The following NUP98 variants were observed in gnomAD, a reference collection of about 807,000 sequenced individuals.
NUP98 encodes the protein nuclear pore complex protein Nup98-Nup96.
A neutral mutation model predicts 191.9 loss-of-function variants in NUP98; 26 were observed. The ratio of observed to expected loss-of-function variants is 0.14; its 90% CI spans 0.10 to 0.19. NUP98 has a LOEUF of 0.19. NUP98 is among the 10% of genes least tolerant of loss of function. The pLI, the probability that NUP98 is intolerant of heterozygous loss-of-function variation, is 1.00. For missense variants in NUP98, 1,941 were observed against 2,178.8 expected, an observed-to-expected ratio of 0.89 and a Z score of 2.17; for synonymous variants, 808 against 778.4, an observed-to-expected ratio of 1.04 and a Z score of -0.63.
chr11:3,759,738 T>C (rs1352513428), intron 10 of NUP98, among the ~76,000 whole-genome samples: 2 of 152,208 alleles, frequency 1.3e-5, no homozygotes, highest in Non-Finnish European at 2.9e-5. Flanking sequence ...TGAATATACA[T>C]ACTATGAACA....
At chr11:3,762,279 GTT>G (rs750354577) in intron 9 of NUP98, among the ~76,000 whole-genome samples, 2 of 142,088 alleles carry the variant, frequency 1.4e-5, no homozygotes, top group Non-Finnish European at 1.5e-5. Context: ...CCAGCTAGTG[GTT>G]TTTTTTTTTT....
chr11:3,752,581 G>A (rs1465869680), intron 11 of NUP98, among the ~76,000 whole-genome samples: 1 of 151,586 alleles, frequency 6.6e-6, no homozygotes, highest in Non-Finnish European at 1.5e-5. Flanking sequence ...ATGCTCAGAT[G>A]ATAGAAGGGG....
In NUP98 at chr11:3,702,313, ACT is replaced by A. The variant is rs71041375; in HGVS notation, c.3512+148_3512+149del. 4.9e-3 allele frequency: 1,688 copies of A among 347,632 alleles called. 4 individuals carry two copies. Among genetic ancestry groups the A allele is most frequent in the African/African-American group, 0.021 (447 of 21,580 alleles). The allele number at this position is 347,632 out of a possible 1,614,324, so 21.5% of individuals were successfully genotyped here. ...CACACACACACACACACACACACAC[ACT>A]CTCTCTCTCTCTCTCTCTCTCTCTC... On this transcript the variant is annotated intron_variant, in intron 23 of 32. Coordinates refer to ENST00000324932, the MANE Select transcript of NUP98 (RefSeq NM_016320.5).
intron 20 of NUP98, among the ~76,000 whole-genome samples, chr11:3,709,988 A>C (rs533597336): frequency 0.01 from 1,491 of 148,504 alleles, 26 homozygotes; most frequent in African/African-American, 0.032. Context: ...ATTTAAAAAA[A>C]AAAAGTTTAC....
intron 24 of NUP98, among the ~76,000 whole-genome samples, chr11:3,699,822 G>C (rs1156855643): frequency 6.6e-6 from 1 of 152,150 alleles, no homozygotes; most frequent in African/African-American, 2.4e-5. Flanking sequence ...GTGTGGCATA[G>C]GACATTCTAA....
chr11:3,703,091 T>A (rs1319747464), intron 22 of NUP98, among the ~76,000 whole-genome samples, 199 bp from the exon 23 acceptor site: 1 of 152,158 alleles, frequency 6.6e-6, no homozygotes, highest in East Asian at 1.9e-4. Context: ...AGGACAAGAT[T>A]CTAATGATGA....
intron 8 of NUP98, among the ~76,000 whole-genome samples, chr11:3,766,773 C>T (rs2081354868): frequency 6.6e-6 from 1 of 151,028 alleles, no homozygotes; most frequent in Admixed American, 6.6e-5. Flanking sequence ...ATTCCGGGTT[C>T]CTTCTTATTC....
chr11:3,763,778 C>G (rs1019024273), intron 8 of NUP98, among the ~76,000 whole-genome samples: 1 of 152,096 alleles, frequency 6.6e-6, no homozygotes, highest in Non-Finnish European at 1.5e-5. Context: ...GAACTCCTGA[C>G]CTCAGGGGAT....
chr11:3,735,177 A>C lies in NUP98; in HGVS notation c.1542+14T>G. ...CTTTGATATGATATTTTACAGAAGT[A>C]TCCTTAAATTTACCTCTTCCTTCTT... On this transcript the variant is annotated intron_variant, in intron 13 of 32. Transcript: ENST00000324932. The C allele has an allele frequency of 6.4e-7, 1 of 1,571,144 alleles. No homozygotes were observed. The highest frequency in any genetic ancestry group is 1.2e-5 in the South Asian group (1 of 83,710).
At chr11:3,773,303 C>T (rs1450652285) in intron 6 of NUP98, among the ~76,000 whole-genome samples, 6 of 151,636 alleles carry the variant, frequency 4.0e-5, no homozygotes, top group Admixed American at 4.0e-4. Flanking sequence ...ACTTCGGAGG[C>T]TAAGGACATG....
At position 3,691,616 on chromosome 11, in the gene NUP98, C is replaced by T. The variant is rs2078313176; in HGVS notation, c.4312-127G>A. On this transcript the variant is annotated intron_variant, in intron 27 of 32. Coordinates refer to ENST00000324932, the MANE Select transcript of NUP98 (RefSeq NM_016320.5). Reference sequence around the variant, plus strand: ...TCACCCAGGCTGGAGTGCAGTGGGACAATCTCGGCTCACTGCAACCTCCGC... The same window carrying T: ...TCACCCAGGCTGGAGTGCAGTGGGATAATCTCGGCTCACTGCAACCTCCGC... 1.0e-5 allele frequency: 9 copies of T among 865,800 alleles called. No individual in the cohort carries two copies. The South Asian group carries it at 1.6e-4, about 15-fold the overall frequency. The allele number at this position is 865,800 out of a possible 1,614,324, so 53.6% of individuals were successfully genotyped here.
rs1275117676 is a variant in NUP98, at chr11:3,702,530, G to C, written c.3445C>G (p.Leu1149Val). ...GAATCGGCAATCTGATGATTTTCTA[G>C]TTCATGAGAGCCATTCAGCTGTTCT... ...SGEQLNGSHE[L>V]ENHQIADSME... Residue 1149 changes from leucine to valine, a missense_variant, in exon 23 of 33, where the codon CTA becomes GTA. Physicochemically the swap from Leu to Val is conservative, Grantham distance 32. Coordinates refer to ENST00000324932, the MANE Select transcript of NUP98 (RefSeq NM_016320.5). 1.2e-6 allele frequency: 2 copies of C among 1,613,946 alleles called. No homozygotes were observed. Among genetic ancestry groups the C allele is most frequent in the Admixed American group, 3.3e-5 (2 of 59,986 alleles).
At chr11:3,731,629 C>T (rs377121280) in intron 13 of NUP98, 51 bp from the exon 14 acceptor site, 32 of 1,267,486 alleles carry the variant, frequency 2.5e-5, no homozygotes, top group South Asian at 4.1e-5. Flanking sequence ...AAATGTACTG[C>T]ACTGGCCTTA....
rs1191694308 is a variant in NUP98, at chr11:3,693,263, C to T, written c.4280G>A (p.Arg1427Lys). 2 of 1,614,130 alleles carry T rather than the reference C, an allele frequency of 1.2e-6. No homozygotes were observed. Reference sequence around the variant, plus strand: ...TGCTTCTTCATACATGCTGAGCGCCCTAGAAATGGAGGCTGTTGGTGGAAG... The same window carrying T: ...TGCTTCTTCATACATGCTGAGCGCCTTAGAAATGGAGGCTGTTGGTGGAAG... ...YLLPPTASIS[R>K]ALSMYEEAFQ... is the part of the protein sequence containing the mutation. The change falls in exon 27 of 33, where the codon AGG (arginine) becomes AAG (lysine). Residue 1427 changes from arginine to lysine, a missense_variant. Physicochemically the swap from Arg to Lys is conservative, Grantham distance 26. This residue lies in a region of NUP98 where 1,030 missense variants were observed against 1,115.8 expected (regional missense o/e 0.92). Transcript: ENST00000324932.
chr11:3,697,041 A>G (rs1343117497), intron 25 of NUP98: 3 of 152,114 alleles, frequency 2.0e-5, no homozygotes, highest in Non-Finnish European at 2.9e-5. Context: ...CCTTTTTTTA[A>G]TGATTCATAA....
intron 2 of NUP98, among the ~76,000 whole-genome samples, chr11:3,779,725 G>A (rs1191376525): frequency 6.6e-6 from 1 of 152,020 alleles, no homozygotes; most frequent in African/African-American, 2.4e-5. Flanking sequence ...ATGAATTACA[G>A]AGTAAAAACC....
intron 5 of NUP98, among the ~76,000 whole-genome samples, chr11:3,774,959 A>G (rs371235417): frequency 2.6e-5 from 4 of 152,198 alleles, no homozygotes; most frequent in East Asian, 3.8e-4. Context: ...TATTTTAACA[A>G]GTTTTATTTC....
In NUP98 at chr11:3,676,636, G is replaced by T. The variant is rs2077821549; in HGVS notation, c.5074-16C>A. 2.5e-6 allele frequency: 4 copies of T among 1,591,228 alleles called. No homozygotes were observed. The highest frequency in any genetic ancestry group is 3.4e-6 in the Non-Finnish European group (4 of 1,159,530). ...AGCAATCCACCTACAAAGAAGCAGA[G>T]AAGCCAATTAATCCAAGGGGAGTTC... On this transcript the variant is annotated splice_polypyrimidine_tract_variant and intron_variant, in intron 31 of 32. Transcript: ENST00000324932.
At position 3,696,466 on chromosome 11, in the gene NUP98, C is replaced by T. The variant is rs370590977; in HGVS notation, c.4010-860G>A. 2.5e-3 allele frequency among the ~76,000 whole-genome samples: 377 copies of T among 152,092 alleles called. 1 individual carries two copies. Among genetic ancestry groups the T allele is most frequent in the African/African-American group, 8.4e-3 (350 of 41,480 alleles). On this transcript the variant is annotated intron_variant, in intron 25 of 32. Transcript: ENST00000324932. Reference sequence around the variant, plus strand: ...GCAGTAAACAGAGATTGCACTACTGCACTCCAGCCTGGGTGACAGACCAAG... The same window carrying T: ...GCAGTAAACAGAGATTGCACTACTGTACTCCAGCCTGGGTGACAGACCAAG...
Sources: allele counts gnomAD v4.1 joint callset (sites outside exome capture counted in the v4.1 genomes callset), GRCh38; gene constraint gnomAD v4.1.1; regional missense constraint gnomAD v4.1.1; transcripts MANE v1.5; gene names NCBI Gene and HGNC (gene_info 2026-07-23, HGNC 2026-07-21).